RSPH10B2: variants seen among roughly 807,000 people sequenced by gnomAD.
RSPH10B2 encodes the protein radial spoke head 10 homolog B2.
RSPH10B2 carries 9 observed loss-of-function variants against 49.0 expected under a neutral mutation model. The observed-to-expected ratio is 0.18, with a 90% CI of 0.11 to 0.32. The LOEUF is 0.32. Among genes scored for constraint, RSPH10B2 ranks in the 10% least tolerant of loss-of-function variants. The pLI is 1.00. For missense variants in RSPH10B2, 95 were observed against 589.9 expected, an observed-to-expected ratio of 0.16 and a Z score of 8.69; for synonymous variants, 35 against 210.2, an observed-to-expected ratio of 0.17 and a Z score of 7.21.
At position 6,782,874 on chromosome 7, in the gene RSPH10B2, ACT is replaced by A. The variant is rs1369632646; in HGVS notation, c.1758+1401_1758+1402del. On this transcript the variant is annotated intron_variant, in intron 13 of 18. Coordinates refer to ENST00000297186, the Ensembl canonical transcript of RSPH10B2. The stretch of plus-strand genomic sequence containing the variant: ...CTCCAGTCTAGGCAACAAGAGCAGA[ACT>A]CTGTCTCAAAAAAAAACTAAGGAAG... 1.7e-5 allele frequency among the ~76,000 whole-genome samples: 2 copies of A among 120,662 alleles called. 1 individual carries two copies. Among genetic ancestry groups the A allele is most frequent in the Non-Finnish European group, 3.4e-5 (2 of 58,712 alleles). The allele number at this position is 120,662 out of a possible 152,430, so 79.2% of individuals were successfully genotyped here. A position where few individuals can be genotyped will look rare whatever the true frequency, so the allele number is the denominator to read the frequency against.
At chr7:6,791,743 CA>C (rs146980235) in intron 16 of RSPH10B2, among the ~76,000 whole-genome samples, 160 bp from the exon 19 acceptor site, 2,294 of 27,380 alleles carry the variant, frequency 0.084, 2 homozygotes, top group South Asian at 0.11. Context: ...GACTCTGTCT[CA>C]AAAAAAAAAA....
chr7:6,782,160 C>T lies in RSPH10B2; in HGVS notation c.1758+684C>T, dbSNP rs1408665120. 5.4e-4 allele frequency among the ~76,000 whole-genome samples: 71 copies of T among 132,134 alleles called. 1 individual carries two copies. Among genetic ancestry groups the T allele is most frequent in the Non-Finnish European group, 7.6e-4 (48 of 63,446 alleles). The allele number at this position is 132,134 out of a possible 152,430, so 86.7% of individuals were successfully genotyped here. A position where few individuals can be genotyped will look rare whatever the true frequency, so the allele number is the denominator to read the frequency against. On this transcript the variant is annotated intron_variant, in intron 13 of 18. Coordinates refer to ENST00000297186, the Ensembl canonical transcript of RSPH10B2. ...ACCTCCCAACCCCAGGTGATCCACCCGCCTCAGCCTCCCTAAGTGCCGGAA... is the reference window on the plus strand; with the variant it reads ...ACCTCCCAACCCCAGGTGATCCACCTGCCTCAGCCTCCCTAAGTGCCGGAA...
intron 4 of RSPH10B2, among the ~76,000 whole-genome samples, chr7:6,764,344 C>T (rs1449607263): frequency 6.7e-6 from 1 of 150,020 alleles, no homozygotes; most frequent in Non-Finnish European, 1.5e-5. Flanking sequence ...ATTCACATCA[C>T]ATAAATTAAC....
At chr7:6,776,873 TCACACACA>T (rs746541740) in intron 10 of RSPH10B2, among the ~76,000 whole-genome samples, 14,048 of 111,150 alleles carry the variant, frequency 0.13, 914 homozygotes, top group South Asian at 0.22. Context: ...CGAGACTCCA[TCACACACA>T]CACACACACA....
chr7:6,768,315 C>T (rs1157021152), intron 6 of RSPH10B2, among the ~76,000 whole-genome samples: 2 of 152,306 alleles, frequency 1.3e-5, no homozygotes, highest in African/African-American at 2.4e-5. Flanking sequence ...ACATGTTGGC[C>T]AGGCTGGTTT....
intron 10 of RSPH10B2, among the ~76,000 whole-genome samples, chr7:6,776,890 C>T (rs1296141573): frequency 7.1e-6 from 1 of 140,554 alleles, no homozygotes; most frequent in Non-Finnish European, 1.5e-5. Flanking sequence ...CACACACACA[C>T]ACACACACAC....
At chr7:6,784,599 T>G (rs1277650508) in intron 13 of RSPH10B2, among the ~76,000 whole-genome samples, 1 of 98,110 alleles carries the variant, frequency 1.0e-5, no homozygotes, top group Non-Finnish European at 1.9e-5. Flanking sequence ...ACAGTCTTGC[T>G]CTGTCACCCA....
At chr7:6,781,776 A>G (rs1297215527) in intron 13 of RSPH10B2, among the ~76,000 whole-genome samples, 2 of 111,880 alleles carry the variant, frequency 1.8e-5, no homozygotes, top group Non-Finnish European at 1.8e-5. Context: ...CAGCACTTTG[A>G]GAGGCCGAGG....
In RSPH10B2 at chr7:6,784,682, C is replaced by T; in HGVS notation, c.1759-1267C>T. 1.6e-5 allele frequency among the ~76,000 whole-genome samples: 2 copies of T among 128,790 alleles called. 1 individual carries two copies. Among genetic ancestry groups the T allele is most frequent in the Non-Finnish European group, 3.2e-5 (2 of 63,440 alleles). 84.5% of individuals were successfully genotyped at this position (128,790 alleles called of 152,430 possible). A position where few individuals can be genotyped will look rare whatever the true frequency, so the allele number is the denominator to read the frequency against. ...CTGGGCTCAAGTGATTCCCTTGCCT[C>T]AGCCTCCCGAGTAGCTGGGACTACA... is the stretch of plus-strand genomic sequence containing the variant. On this transcript the variant is annotated intron_variant, in intron 13 of 18. Transcript: ENST00000297186.
chr7:6,769,648 G>A lies in RSPH10B2; in HGVS notation c.957+882G>A, dbSNP rs1781565413. On this transcript the variant is annotated intron_variant, in intron 7 of 18. Transcript: ENST00000297186. ...CTGTTGCCCAGGCTGGAGTGCAGTG[G>A]CATGATCTCAGCTCGCTGCAACCTC... Among the ~76,000 whole-genome samples the A allele has an allele frequency of 1.7e-5, 2 of 116,182 alleles. 1 individual carries two copies. The highest frequency in any genetic ancestry group is 1.8e-4 in the Admixed American group (2 of 11,136). The allele number at this position is 116,182 out of a possible 152,430, so 76.2% of individuals were successfully genotyped here.
At chr7:6,780,927 T>C in intron 12 of RSPH10B2, 39 bp downstream of exon 14, 1 of 1,366,122 alleles carries the variant, frequency 7.3e-7, no homozygotes, top group Non-Finnish European at 9.6e-7. Flanking sequence ...TACCGCCCCA[T>C]TTTTTTTTCT....
chr7:6,786,383 A>G (rs1782180042), intron 14 of RSPH10B2, among the ~76,000 whole-genome samples: 1 of 119,410 alleles, frequency 8.4e-6, no homozygotes, highest in African/African-American at 3.4e-5. Flanking sequence ...TTTAGTAGAG[A>G]CGGAGTTTCA....
chr7:6,796,948 G>T (rs1782595670), intron 18 of RSPH10B2, 182 bp downstream of exon 20: 1 of 415,098 alleles, frequency 2.4e-6, no homozygotes. Context: ...TGAAGCCTTT[G>T]TAACTTCCTG....
chr7:6,796,909 T>C, intron 18 of RSPH10B2, 143 bp downstream of exon 20: 1 of 485,204 alleles, frequency 2.1e-6, no homozygotes, highest in East Asian at 5.2e-5. Context: ...AAGGAATGAA[T>C]ATTTGGTCTC....
chr7:6,777,161 C>T lies in RSPH10B2; in HGVS notation c.1414+615C>T, dbSNP rs1199702827. ...ACCTCTGTCTCCTGGGTTCAAGTGA[C>T]TCTCCTGCCTCAACCTCCTGAGTAG... On this transcript the variant is annotated intron_variant, in intron 10 of 18. Coordinates refer to ENST00000297186, the Ensembl canonical transcript of RSPH10B2. Among the ~76,000 whole-genome samples, 248 of 38,050 alleles carry T rather than the reference C, an allele frequency of 6.5e-3. 2 individuals carry two copies. The highest frequency in any genetic ancestry group is 0.029 in the African/African-American group (226 of 7,834). 25.0% of individuals were successfully genotyped at this position (38,050 alleles called of 152,430 possible).
chr7:6,792,678 T>C (rs1269879572), intron 17 of RSPH10B2, among the ~76,000 whole-genome samples: 6 of 121,516 alleles, frequency 4.9e-5, no homozygotes, highest in Non-Finnish European at 6.7e-5. Flanking sequence ...ATCAATGTCA[T>C]GGGAATTTTC....
rs533240117 is a variant in RSPH10B2, at chr7:6,763,882, A to AC, written c.400-40dup. ...CGCAGGACTAGGGATTCCCGCCCCC[A>AC]CCCCCCAACGCTTCCTTCTGTCACC... On this transcript the variant is annotated intron_variant, in intron 3 of 18. Coordinates refer to ENST00000297186, the Ensembl canonical transcript of RSPH10B2. 6.4e-3 allele frequency: 9,459 copies of AC among 1,470,596 alleles called. 119 individuals are homozygous for AC. The highest frequency in any genetic ancestry group is 0.012 in the Middle Eastern group (66 of 5,652). The allele number at this position is 1,470,596 out of a possible 1,614,324, so 91.1% of individuals were successfully genotyped here. A position where few individuals can be genotyped will look rare whatever the true frequency, so the allele number is the denominator to read the frequency against.
rs201220929 is a variant in RSPH10B2, at chr7:6,796,662, G to A, written c.2328G>A (p.Ala776=). Reference sequence around the variant, plus strand: ...TCTTTGTGAACACGCTCTTTCATGCGTATAAACGTGAAGAAGCTATCAAGG... The same window carrying A: ...TCTTTGTGAACACGCTCTTTCATGCATATAAACGTGAAGAAGCTATCAAGG... The change falls in exon 18 of 19, where the codon GCG becomes GCA. Residue 776 remains alanine (A), a synonymous_variant. Transcript: ENST00000297186. 1.8e-4 allele frequency: 230 copies of A among 1,247,712 alleles called. 14 individuals are homozygous for A. The South Asian group carries it at 3.3e-3, about 18-fold the overall frequency. 77.3% of individuals were successfully genotyped at this position (1,247,712 alleles called of 1,614,324 possible). A position where few individuals can be genotyped will look rare whatever the true frequency, so the allele number is the denominator to read the frequency against.
chr7:6,780,797 T>G lies in RSPH10B2; in HGVS notation c.1530-12T>G, dbSNP rs1051771578. The stretch of plus-strand genomic sequence containing the variant: ...GAGAAGTAACTATGGTATCTTTTGA[T>G]GATTATCACAGAAAGAGAAGCCCAT... On this transcript the variant is annotated splice_polypyrimidine_tract_variant and intron_variant, in intron 11 of 18. Transcript: ENST00000297186. 2 of 1,442,538 alleles carry G rather than the reference T, an allele frequency of 1.4e-6. 1 individual carries two copies. Among genetic ancestry groups the G allele is most frequent in the African/African-American group, 3.3e-5 (2 of 59,982 alleles). 89.4% of individuals were successfully genotyped at this position (1,442,538 alleles called of 1,614,324 possible).
Sources: gnomAD v4.1 joint callset for allele counts (sites outside exome capture counted in the v4.1 genomes callset) on GRCh38, gnomAD v4.1.1 for gene constraint, MANE v1.5 for transcripts, NCBI Gene and HGNC (gene_info 2026-07-23, HGNC 2026-07-21) for gene names.